ABCC3: variants seen among roughly 807,000 people sequenced by gnomAD.
ABCC3 encodes the protein ATP binding cassette subfamily C member 3.
A neutral mutation model predicts 165.3 loss-of-function variants in ABCC3; 121 were observed. That is an observed-to-expected ratio of 0.73 (90% CI 0.63 to 0.85). The LOEUF is 0.85. Among genes scored for constraint, ABCC3 ranks in the 40% least tolerant of loss-of-function variants. The pLI, the probability that ABCC3 is intolerant of heterozygous loss-of-function variation, is 0.00. For synonymous variants in ABCC3, 733 were observed against 810.1 expected (o/e 0.90, Z 1.62); for missense variants, 1,869 against 1,964.1 (o/e 0.95, Z 0.92).
chr17:50,659,857 G>A (rs1363219984), intron 7 of ABCC3, among the ~76,000 whole-genome samples: 1 of 152,154 alleles, frequency 6.6e-6, no homozygotes, highest in Non-Finnish European at 1.5e-5. Context: ...ATGGTGGTGT[G>A]CACCTGTAGT....
intron 19 of ABCC3, among the ~76,000 whole-genome samples, chr17:50,674,045 T>C (rs556984738): frequency 5.4e-4 from 15 of 27,852 alleles, no homozygotes; most frequent in African/African-American, 3.0e-3. Flanking sequence ...TCTTTCTTTC[T>C]TTCTTTCTTT....
chr17:50,683,428 G>A (rs950958425), intron 26 of ABCC3, among the ~76,000 whole-genome samples, 182 bp from the exon 27 acceptor site: 1 of 151,784 alleles, frequency 6.6e-6, no homozygotes, highest in Non-Finnish European at 1.5e-5. Context: ...GAGTAGGTCT[G>A]TGGGGAATAA....
chr17:50,651,389 C>T (rs761229501), intron 1 of ABCC3, among the ~76,000 whole-genome samples: 13 of 152,090 alleles, frequency 8.5e-5, no homozygotes, highest in Non-Finnish European at 1.5e-4. Context: ...TACAGATTTC[C>T]CTCCTCCTCA....
Position 50,686,521 on chromosome 17 carries a change from C to T in ABCC3, c.4281-1015C>T, listed in dbSNP as rs145909520. On this transcript the variant is annotated intron_variant, in intron 29 of 30. Coordinates refer to ENST00000285238, the MANE Select transcript of ABCC3 (RefSeq NM_003786.4). ...CTTAAGTGGCTCTCACTTACATAAC[C>T]ACGTGGGGGTGGCTGGCGGACAAAC... 3.3e-4 allele frequency among the ~76,000 whole-genome samples: 50 copies of T among 152,216 alleles called. No homozygotes were observed. The South Asian group carries it at 3.9e-3, about 12-fold the overall frequency.
At chr17:50,657,855 G>A (rs1303882272) in intron 4 of ABCC3, among the ~76,000 whole-genome samples, 1 of 152,206 alleles carries the variant, frequency 6.6e-6, no homozygotes, top group Non-Finnish European at 1.5e-5. Context: ...ATGTAGGTAA[G>A]GTGATGGCAC....
intron 1 of ABCC3, among the ~76,000 whole-genome samples, chr17:50,648,579 T>C (rs1206969496): frequency 1.3e-5 from 2 of 152,174 alleles, no homozygotes; most frequent in East Asian, 3.8e-4. Context: ...GAGTCTTCCC[T>C]AAAGGACCAG....
Position 50,684,756 on chromosome 17 carries a change from C to T in ABCC3, c.4161C>T (p.Phe1387=), listed in dbSNP as rs766550481. The change falls in exon 29 of 31, where the codon TTC becomes TTT. Residue 1387 remains phenylalanine, a synonymous_variant. Transcript: ENST00000285238. Reference sequence around the variant, plus strand: ...CCCTGCGCATGAACCTGGACCCCTTCGGCAGCTACTCAGAGGAGGACATTT... The same window carrying T: ...CCCTGCGCATGAACCTGGACCCCTTTGGCAGCTACTCAGAGGAGGACATTT... The part of the protein sequence containing the change: ...SGTLRMNLDP[F]GSYSEEDIWW... 11 of 1,614,034 alleles carry T rather than the reference C, an allele frequency of 6.8e-6. No homozygotes were observed. Among genetic ancestry groups the T allele is most frequent in the African/African-American group, 1.3e-5 (1 of 74,916 alleles).
intron 8 of ABCC3, chr17:50,663,322 C>T: frequency 3.8e-6 from 1 of 262,626 alleles, no homozygotes; most frequent in Non-Finnish European, 7.4e-6. Flanking sequence ...AATCTAGAGC[C>T]CCCAGCAGCC....
intron 30 of ABCC3, among the ~76,000 whole-genome samples, chr17:50,690,011 A>T (rs1347283781): frequency 6.6e-6 from 1 of 152,232 alleles, no homozygotes; most frequent in East Asian, 1.9e-4. Flanking sequence ...AAGGCTATCC[A>T]CACAGGGTGG....
intron 8 of ABCC3, 89 bp from the exon 9 acceptor site, chr17:50,663,591 TG>T (rs781534086): frequency 2.0e-6 from 3 of 1,472,054 alleles, no homozygotes; most frequent in Admixed American, 3.6e-5. Context: ...AGGGGTGCAG[TG>T]GAGACTGCGG....
chr17:50,679,768 C>T (rs1967895027), intron 25 of ABCC3, 30 bp from the exon 26 acceptor site: 7 of 1,595,806 alleles, frequency 4.4e-6, no homozygotes, highest in Non-Finnish European at 6.0e-6. Flanking sequence ...GGGGAGATCG[C>T]CATACGTATA....
chr17:50,672,905 G>A, intron 17 of ABCC3, 66 bp from the exon 18 acceptor site: 4 of 1,447,120 alleles, frequency 2.8e-6, no homozygotes, highest in Middle Eastern at 1.8e-4. Flanking sequence ...CCAAATAACA[G>A]TGGACAGGCC....
intron 19 of ABCC3, among the ~76,000 whole-genome samples, chr17:50,674,798 A>AT (rs776451103): frequency 0.16 from 20,744 of 133,674 alleles, 1,819 homozygotes; most frequent in East Asian, 0.24. Flanking sequence ...AGTCATGCAG[A>AT]TTTTTTTTTT....
At chr17:50,686,770 C>T (rs1046002431) in intron 29 of ABCC3, among the ~76,000 whole-genome samples, 15 of 152,118 alleles carry the variant, frequency 9.9e-5, no homozygotes, top group African/African-American at 1.7e-4. Flanking sequence ...TTCTATCCGG[C>T]GGCTTATTCT....
intron 1 of ABCC3, among the ~76,000 whole-genome samples, chr17:50,645,428 A>C (rs1966987614): frequency 6.7e-6 from 1 of 149,482 alleles, no homozygotes; most frequent in African/African-American, 2.4e-5. Context: ...TCAAGCATAT[A>C]GATTATTCAA....
chr17:50,673,773 T>G, intron 19 of ABCC3, 115 bp downstream of exon 19: 1 of 1,077,202 alleles, frequency 9.3e-7, no homozygotes, highest in Non-Finnish European at 1.3e-6. Flanking sequence ...TCTGGGAAAC[T>G]TGGGCCATCT....
At chr17:50,668,554 C>T (rs376238189) in intron 14 of ABCC3, 37 bp downstream of exon 14, 2 of 1,516,276 alleles carry the variant, frequency 1.3e-6, no homozygotes, top group South Asian at 1.1e-5. Flanking sequence ...CTGCCCCAGT[C>T]CTTGCTCCAG....
chr17:50,680,114 T>C (rs762516097), intron 26 of ABCC3, among the ~76,000 whole-genome samples: 12 of 152,182 alleles, frequency 7.9e-5, no homozygotes, highest in Non-Finnish European at 1.6e-4. Context: ...TAGGTGATTC[T>C]GATTTGGTGG....
At chr17:50,686,189 G>A (rs143457053) in intron 29 of ABCC3, among the ~76,000 whole-genome samples, 117 of 152,254 alleles carry the variant, frequency 7.7e-4, no homozygotes, top group Middle Eastern at 3.4e-3. Flanking sequence ...GCGAGACTTC[G>A]TCTCAAGAAA....
Sources: gnomAD v4.1 joint callset for allele counts (sites outside exome capture counted in the v4.1 genomes callset) on GRCh38, gnomAD v4.1.1 for gene constraint, MANE v1.5 for transcripts, NCBI Gene and HGNC (gene_info 2026-07-23, HGNC 2026-07-21) for gene names.